The following NAV2 variants were observed in gnomAD, a reference collection of about 807,000 sequenced individuals.
The protein encoded by NAV2 is neuron navigator 2.
Under a neutral mutation model 223.2 loss-of-function variants are expected in NAV2, and 54 were observed. The ratio of observed to expected loss-of-function variants is 0.24; its 90% CI spans 0.19 to 0.30. The LOEUF is 0.30. Among genes scored for constraint, NAV2 ranks in the 10% least tolerant of loss-of-function variants. The probability of loss-of-function intolerance (pLI) is 1.00; values close to 1 mark genes in which losing one functional copy is unlikely to be tolerated. For synonymous variants in NAV2, 1,279 were observed against 1,239.3 expected, an observed-to-expected ratio of 1.03 and a Z score of -0.67; for missense variants, 2,806 against 3,147.5, an observed-to-expected ratio of 0.89 and a Z score of 2.60.
chr11:19,512,545 C>T (rs937452138), intron 1 of NAV2, among the ~76,000 whole-genome samples: 9 of 152,176 alleles, frequency 5.9e-5, no homozygotes, highest in African/African-American at 2.2e-4. Context: ...GCTAAAACCA[C>T]AAGGTAACTG....
At chr11:19,772,726 A>G (rs2055815687) in intron 1 of NAV2, among the ~76,000 whole-genome samples, 1 of 152,160 alleles carries the variant, frequency 6.6e-6, no homozygotes, top group Non-Finnish European at 1.5e-5. Context: ...GCCTTGCCTC[A>G]TGTGTGGGTG....
intron 1 of NAV2, among the ~76,000 whole-genome samples, chr11:19,652,319 G>A (rs937882225): frequency 6.6e-6 from 1 of 152,086 alleles, no homozygotes; most frequent in Non-Finnish European, 1.5e-5. Flanking sequence ...ATGCAGGGTG[G>A]GTTCTTGTGG....
intron 1 of NAV2, among the ~76,000 whole-genome samples, chr11:19,533,624 T>C (rs1590432958): frequency 2.0e-5 from 3 of 152,156 alleles, no homozygotes; most frequent in Admixed American, 2.0e-4. Context: ...ACTGAAACCT[T>C]CTCTGAGACG....
At chr11:20,018,335 C>A in intron 11 of NAV2, among the ~76,000 whole-genome samples, 1 of 108,328 alleles carries the variant, frequency 9.2e-6, no homozygotes. Flanking sequence ...GCCTGGGCGA[C>A]AGAGTGAGAT....
At chr11:19,542,387 T>G (rs1408842858) in intron 1 of NAV2, among the ~76,000 whole-genome samples, 2 of 152,196 alleles carry the variant, frequency 1.3e-5, no homozygotes, top group Non-Finnish European at 2.9e-5. Context: ...CATAGAGGGT[T>G]TAAGGAATTT....
intron 35 of NAV2, among the ~76,000 whole-genome samples, chr11:20,106,175 A>ATATATATATATATGTGTGTGTGTGTGTG (rs11267537): frequency 5.6e-5 from 2 of 35,828 alleles, no homozygotes; most frequent in African/African-American, 9.9e-5. Flanking sequence ...ATATATATAT[A>ATATATATATATATGTGTGTGTGTGTGTG]TGTGTGTGTA....
chr11:20,068,050 A>G (rs1195104620), intron 20 of NAV2, 136 bp from the exon 21 acceptor site: 2 of 805,050 alleles, frequency 2.5e-6, no homozygotes, highest in Non-Finnish European at 4.1e-6. Flanking sequence ...CAGTTTTTCC[A>G]GAGAAATACA....
chr11:19,714,946 C>G (rs983290359), intron 1 of NAV2, among the ~76,000 whole-genome samples: 1 of 152,044 alleles, frequency 6.6e-6, no homozygotes, highest in East Asian at 1.9e-4. Context: ...TGTGACTGTC[C>G]GGTTAGGAGA....
chr11:19,591,084 A>G (rs974553021), intron 1 of NAV2: 8 of 152,224 alleles, frequency 5.3e-5, no homozygotes, highest in Admixed American at 6.5e-5. Flanking sequence ...ATGAGCAAAA[A>G]TGCATTATTC....
At chr11:19,574,390 A>G (rs1221233993) in intron 1 of NAV2, among the ~76,000 whole-genome samples, 1 of 152,206 alleles carries the variant, frequency 6.6e-6, no homozygotes, top group African/African-American at 2.4e-5. Flanking sequence ...TAGGTGCTCA[A>G]TAAATGTTAA....
chr11:19,464,643 T>TAA (rs1852285845), intron 1 of NAV2, among the ~76,000 whole-genome samples: 1 of 152,210 alleles, frequency 6.6e-6, no homozygotes, highest in African/African-American at 2.4e-5. Context: ...GGAGATGTGG[T>TAA]TCATAGGGAT....
intron 1 of NAV2, among the ~76,000 whole-genome samples, chr11:19,394,540 A>G (rs1366317730): frequency 6.6e-6 from 1 of 152,224 alleles, no homozygotes; most frequent in African/African-American, 2.4e-5. Flanking sequence ...TTGTCTTCTC[A>G]GAGCTTAGAG....
Position 20,119,695 on chromosome 11 carries a change from T to G in NAV2, c.*1437T>G, listed in dbSNP as rs995425512. 28 of 152,598 alleles carry G rather than the reference T, an allele frequency of 1.8e-4. No individual in the cohort carries two copies. Among genetic ancestry groups the G allele is most frequent in the Admixed American group, 9.2e-4 (14 of 15,280 alleles). 9.5% of individuals were successfully genotyped at this position (152,598 alleles called of 1,614,324 possible). A position where few individuals can be genotyped will look rare whatever the true frequency, so the allele number is the denominator to read the frequency against. Reference sequence around the variant, plus strand: ...GTGCCTGCCTGGGGTTTGTTTTTTTTGTCATTGTTTTCCCCATTGAAACAA... The same window carrying G: ...GTGCCTGCCTGGGGTTTGTTTTTTTGGTCATTGTTTTCCCCATTGAAACAA... On this transcript the variant is annotated 3_prime_UTR_variant, in exon 38 of 38. Transcript: ENST00000349880.
In NAV2 at chr11:19,963,743, A is replaced by T. The variant is rs528554473; in HGVS notation, c.2645+14663A>T. On this transcript the variant is annotated intron_variant, in intron 10 of 37. Coordinates refer to ENST00000349880, the MANE Select transcript of NAV2 (RefSeq NM_145117.5). ...CTGTAGCATGAGAAACACTTGTGTC[A>T]ACATTCCCCAGTGCTTATGCAGAAA... 9.1e-4 allele frequency among the ~76,000 whole-genome samples: 139 copies of T among 152,334 alleles called. No individual in the cohort carries two copies. The South Asian group carries it at 0.014, about 15-fold the overall frequency.
chr11:19,874,999 A>G (rs562341273), intron 4 of NAV2, among the ~76,000 whole-genome samples: 1 of 152,278 alleles, frequency 6.6e-6, no homozygotes, highest in East Asian at 1.9e-4. Context: ...TCTACTGAAA[A>G]CAACAAAATT....
chr11:19,537,181 A>C (rs2044212601), intron 1 of NAV2, among the ~76,000 whole-genome samples: 2 of 152,176 alleles, frequency 1.3e-5, no homozygotes, highest in Non-Finnish European at 2.9e-5. Flanking sequence ...ATGTTGATGT[A>C]GGCACTACTA....
At chr11:19,964,697 T>G (rs1291596451) in intron 10 of NAV2, among the ~76,000 whole-genome samples, 1 of 151,892 alleles carries the variant, frequency 6.6e-6, no homozygotes, top group Non-Finnish European at 1.5e-5. Context: ...AATGGTGTCT[T>G]GCTATGTTGT....
At chr11:19,732,881 T>C (rs1051650032) in intron 1 of NAV2, among the ~76,000 whole-genome samples, 1 of 152,228 alleles carries the variant, frequency 6.6e-6, no homozygotes, top group Non-Finnish European at 1.5e-5. Flanking sequence ...CTATTCTTCC[T>C]TTGCTGGATT....
At chr11:19,730,100 A>G (rs778405420) in intron 1 of NAV2, among the ~76,000 whole-genome samples, 5 of 152,220 alleles carry the variant, frequency 3.3e-5, no homozygotes, top group Non-Finnish European at 7.3e-5. Flanking sequence ...ACTTGCATCT[A>G]TCTGGTTTCT....
Sources: allele counts gnomAD v4.1 joint callset (sites outside exome capture counted in the v4.1 genomes callset), GRCh38; gene constraint gnomAD v4.1.1; transcripts MANE v1.5; gene names NCBI Gene and HGNC (gene_info 2026-07-23, HGNC 2026-07-21).